CDC73: variants seen among roughly 807,000 people sequenced by gnomAD.
CDC73 encodes the protein parafibromin.
In CDC73, 21 loss-of-function variants were observed where a neutral mutation model predicts 83.7. The observed-to-expected ratio is 0.25, with a 90% CI of 0.18 to 0.36. The LOEUF is 0.36. Among genes scored for constraint, CDC73 ranks in the 10% least tolerant of loss-of-function variants. The pLI is 1.00. For synonymous variants in CDC73, 224 were observed against 212.9 expected, an observed-to-expected ratio of 1.05 and a Z score of -0.45; for missense variants, 342 against 653.3, an observed-to-expected ratio of 0.52 and a Z score of 5.19.
intron 14 of CDC73, 140 bp downstream of exon 14, chr1:193,233,294 C>G: frequency 1.3e-6 from 1 of 755,396 alleles, no homozygotes; most frequent in South Asian, 1.5e-5. Context: ...CTCCTGGGCT[C>G]TGTCAGTCCT....
chr1:193,142,116 A>T (rs1675917254), intron 7 of CDC73, 50 bp downstream of exon 7: 2 of 1,361,336 alleles, frequency 1.5e-6, no homozygotes, highest in Non-Finnish European at 2.1e-6. Flanking sequence ...AGAGAGAGAG[A>T]GTGCGTTTAA....
Position 193,253,291 on chromosome 1 carries a change from A to G in CDC73, c.*2579A>G, listed in dbSNP as rs1398752683. The G allele has an allele frequency of 8.6e-6, 2 of 232,336 alleles. No homozygotes were observed. Among genetic ancestry groups the G allele is most frequent in the Non-Finnish European group, 1.7e-5 (2 of 117,564 alleles). The allele number at this position is 232,336 out of a possible 1,614,324, so 14.4% of individuals were successfully genotyped here. On this transcript the variant is annotated 3_prime_UTR_variant, in exon 17 of 17. Coordinates refer to ENST00000367435, the MANE Select transcript of CDC73 (RefSeq NM_024529.5). ...GTATTTTTTTTAAAGTTCTCCAGGTAATTTGAATGTGCAGGAAGGATTCAG... is the reference window on the plus strand; with the variant it reads ...GTATTTTTTTTAAAGTTCTCCAGGTGATTTGAATGTGCAGGAAGGATTCAG...
chr1:193,240,437 C>T (rs1677837986), intron 15 of CDC73, among the ~76,000 whole-genome samples: 1 of 152,310 alleles, frequency 6.6e-6, no homozygotes, highest in Non-Finnish European at 1.5e-5. Context: ...AATCTTCATA[C>T]TGTTTGCCAT....
At chr1:193,239,385 G>T (rs1677819076) in intron 15 of CDC73, among the ~76,000 whole-genome samples, 1 of 152,072 alleles carries the variant, frequency 6.6e-6, no homozygotes, top group Non-Finnish European at 1.5e-5. Context: ...GGGTATTTGG[G>T]AGCATCTCTG....
In CDC73 at chr1:193,253,776, C is replaced by T. The variant is rs1041165659; in HGVS notation, c.*3064C>T. The T allele has an allele frequency of 2.2e-5, 5 of 230,352 alleles. No homozygotes were observed. Among genetic ancestry groups the T allele is most frequent in the Non-Finnish European group, 4.3e-5 (5 of 116,458 alleles). The allele number at this position is 230,352 out of a possible 1,614,324, so 14.3% of individuals were successfully genotyped here. ...CAGTTTGCTTATGAAAGGAAAGTGG[C>T]ATACTTTTAAATTGGTCTACACAGA... On this transcript the variant is annotated 3_prime_UTR_variant, in exon 17 of 17. Transcript: ENST00000367435.
rs1676312690 is a variant in CDC73, at chr1:193,161,631, TATA to T, written c.972+9191_972+9193del. On this transcript the variant is annotated intron_variant, in intron 10 of 16. Transcript: ENST00000367435. Reference sequence around the variant, plus strand: ...GATAATATATATTATATGATAGATATATAATATATTATATAATATATAATATAT... The same window carrying T: ...GATAATATATATTATATGATAGATATATATATTATATAATATATAATATAT... Among the ~76,000 whole-genome samples, 3 of 9,604 alleles carry T rather than the reference TATA, an allele frequency of 3.1e-4. 1 individual carries two copies. The Admixed American group carries it at 4.2e-3, about 13-fold the overall frequency. The allele number at this position is 9,604 out of a possible 152,430, so 6.3% of individuals were successfully genotyped here.
intron 10 of CDC73, among the ~76,000 whole-genome samples, chr1:193,154,597 G>T (rs968095116): frequency 1.3e-5 from 2 of 152,146 alleles, no homozygotes; most frequent in African/African-American, 2.4e-5. Context: ...GCAACAGAAA[G>T]ACTAAAAATG....
At chr1:193,140,390 C>A (rs1157574797) in intron 6 of CDC73, among the ~76,000 whole-genome samples, 1 of 152,098 alleles carries the variant, frequency 6.6e-6, no homozygotes, top group Non-Finnish European at 1.5e-5. Context: ...GTACGGTAGT[C>A]CCCCATCCAC....
At chr1:193,157,492 C>T (rs1467267405) in intron 10 of CDC73, among the ~76,000 whole-genome samples, 1 of 152,148 alleles carries the variant, frequency 6.6e-6, no homozygotes, top group Non-Finnish European at 1.5e-5. Flanking sequence ...GAGCTTGTCA[C>T]ATAAACAGTC....
chr1:193,212,262 T>A (rs1054417430), intron 12 of CDC73, 128 bp from the exon 13 acceptor site: 3 of 843,500 alleles, frequency 3.6e-6, no homozygotes, highest in Non-Finnish European at 5.6e-6. Flanking sequence ...TTTTTTAATA[T>A]CCACTGGCTT....
chr1:193,211,124 G>A (rs1677271167), intron 11 of CDC73, among the ~76,000 whole-genome samples: 1 of 152,116 alleles, frequency 6.6e-6, no homozygotes, highest in Non-Finnish European at 1.5e-5. Flanking sequence ...TTGTAATACA[G>A]TAGTCCCCAC....
At chr1:193,185,542 G>A (rs1676792158) in intron 10 of CDC73, among the ~76,000 whole-genome samples, 1 of 151,606 alleles carries the variant, frequency 6.6e-6, no homozygotes, top group East Asian at 1.9e-4. Flanking sequence ...ACATATTAAG[G>A]TTTTGTTTTA....
At chr1:193,230,116 C>A (rs932092461) in intron 13 of CDC73, among the ~76,000 whole-genome samples, 1 of 151,498 alleles carries the variant, frequency 6.6e-6, no homozygotes, top group African/African-American at 2.4e-5. Context: ...TTGAATTCTT[C>A]CGCATTAGAG....
In CDC73 at chr1:193,251,960, G is replaced by C. The variant is rs1309912850; in HGVS notation, c.*1248G>C. On this transcript the variant is annotated 3_prime_UTR_variant, in exon 17 of 17. Coordinates refer to ENST00000367435, the MANE Select transcript of CDC73 (RefSeq NM_024529.5). ...ATTTTTTTCTCTGTTTTTATTCCCA[G>C]CAATTTTCTCCTAGGTTAACATATT... is the stretch of plus-strand genomic sequence containing the variant. 1 of 230,662 alleles carries C rather than the reference G, an allele frequency of 4.3e-6. No individual in the cohort carries two copies. The highest frequency in any genetic ancestry group is 2.2e-5 in the African/African-American group (1 of 44,990). The allele number at this position is 230,662 out of a possible 1,614,324, so 14.3% of individuals were successfully genotyped here.
rs757206621 is a variant in CDC73 at position 193,150,324 on chromosome 1, A to G, written c.849A>G (p.Lys283=). Residue 283 remains lysine, a synonymous_variant, in exon 9 of 17, where the codon AAA becomes AAG. Transcript: ENST00000367435. ...TACAGGATCCCACTTTGCGCACCAA[A>G]CAGCCTATCCCAGCTGCCTATAACA... ...AAPVDPTLRT[K]QPIPAAYNRY... 27 of 1,612,628 alleles carry G rather than the reference A, an allele frequency of 1.7e-5. No individual in the cohort carries two copies. In the South Asian group the frequency reaches 3.0e-4, roughly 18 times the overall value.
chr1:193,155,184 C>T (rs1179301534), intron 10 of CDC73, among the ~76,000 whole-genome samples: 3 of 152,130 alleles, frequency 2.0e-5, no homozygotes, highest in Non-Finnish European at 4.4e-5. Context: ...AATCACATTT[C>T]ATAAGAATCA....
chr1:193,156,470 G>A (rs1430613787), intron 10 of CDC73, among the ~76,000 whole-genome samples: 1 of 152,110 alleles, frequency 6.6e-6, no homozygotes, highest in Non-Finnish European at 1.5e-5. Context: ...GTGTTTTGGG[G>A]AACGATTTTT....
At chr1:193,132,243 A>G (rs973662965) in intron 3 of CDC73, among the ~76,000 whole-genome samples, 1 of 152,240 alleles carries the variant, frequency 6.6e-6, no homozygotes, top group African/African-American at 2.4e-5. Context: ...TGGAAAGATC[A>G]TCATTAGGAA....
At chr1:193,163,167 G>T (rs1336706796) in intron 10 of CDC73, among the ~76,000 whole-genome samples, 1 of 151,546 alleles carries the variant, frequency 6.6e-6, no homozygotes, top group Non-Finnish European at 1.5e-5. Context: ...GTGTGTGTGT[G>T]TGTGTGTGTG....
Sources: gnomAD v4.1 joint callset for allele counts (sites outside exome capture counted in the v4.1 genomes callset) on GRCh38, gnomAD v4.1.1 for gene constraint, MANE v1.5 for transcripts, NCBI Gene and HGNC (gene_info 2026-07-23, HGNC 2026-07-21) for gene names.